ZNF469: variants seen among roughly 807,000 people sequenced by gnomAD.
The protein encoded by ZNF469 is zinc finger protein 469.
Under a neutral mutation model 1.0 loss-of-function variants are expected in ZNF469, and 1 was observed. That is an observed-to-expected ratio of 1.00 (90% CI 0.35 to 4.73). ZNF469 has a LOEUF of 4.73. Ranked by LOEUF, ZNF469 falls within the 30% of genes most tolerant of loss-of-function variation. The pLI is 0.16. For synonymous variants in ZNF469, 2,703 were observed against 2,363.4 expected, an observed-to-expected ratio of 1.14 and a Z score of -4.17; for missense variants, 6,100 against 5,356.3, an observed-to-expected ratio of 1.14 and a Z score of -4.33.
chr16:88,173,542 T>G, the ZNF469 span, among the ~76,000 whole-genome samples: 1 of 152,164 alleles, frequency 6.6e-6, no homozygotes, highest in East Asian at 1.9e-4. Context: ...CAGATGGAAA[T>G]TTAGAGTGAC....
At chr16:88,369,680 C>CT in the ZNF469 span, among the ~76,000 whole-genome samples, 1 of 152,262 alleles carries the variant, frequency 6.6e-6, no homozygotes, top group South Asian at 2.1e-4. Context: ...AGGGGCGACA[C>CT]TGTCCCCACT....
At chr16:88,419,147 C>T (rs1030832055) in intron 1 of ZNF469, among the ~76,000 whole-genome samples, 1 of 152,250 alleles carries the variant, frequency 6.6e-6, no homozygotes, top group Non-Finnish European at 1.5e-5. Context: ...GCGGTGCTGG[C>T]ACACATGGCA....
Position 88,435,030 on chromosome 16 carries a change from C to T in ZNF469, c.7560C>T (p.Ala2520=). The change falls in exon 3 of 3, where the codon GCC becomes GCT. Residue 2520 remains alanine, a synonymous_variant. Coordinates refer to ENST00000565624, the MANE Select transcript of ZNF469 (RefSeq NM_001367624.2). The stretch of plus-strand genomic sequence containing the variant: ...CTCAGCAGCCTCTAGAGCCCCTAGC[C>T]CAAAAGTGCCAGCCGCCCAGGAAGA... The part of the protein sequence containing the change: ...LPAQQPLEPL[A]QKCQPPRKKS... The T allele has an allele frequency of 1.3e-6, 2 of 1,550,372 alleles. No homozygotes were observed. Among genetic ancestry groups the T allele is most frequent in the Non-Finnish European group, 1.7e-6 (2 of 1,146,988 alleles).
Position 88,431,035 on chromosome 16 carries a change from C to T in ZNF469, c.3565C>T (p.Pro1189Ser), listed in dbSNP as rs766878740. The T allele has an allele frequency of 2.6e-6, 4 of 1,546,846 alleles. No individual in the cohort carries two copies. Among genetic ancestry groups the T allele is most frequent in the African/African-American group, 1.4e-5 (1 of 73,000 alleles). ...GGGAGCGGCCGCCAGGGAGGGAGGC[C>T]CCAAGTGTGCTGATCGCCCCTCAGT... ...ETGAAAREGG[P>S]KCADRPSVAP... The change falls in exon 3 of 3, where the codon CCC becomes TCC. Residue 1189 changes from proline (P) to serine (S), a missense_variant. Coordinates refer to ENST00000565624, the MANE Select transcript of ZNF469 (RefSeq NM_001367624.2).
At chr16:88,152,768 C>T in the ZNF469 span, among the ~76,000 whole-genome samples, 2 of 152,138 alleles carry the variant, frequency 1.3e-5, no homozygotes, top group Non-Finnish European at 2.9e-5. The surrounding 1 kb of genome is among the most constrained non-coding windows in gnomAD (Gnocchi z 4.2). Flanking sequence ...AGGCGAGGGT[C>T]GGAAGGACTG....
chr16:88,247,111 TTGAA>T, the ZNF469 span, among the ~76,000 whole-genome samples: 373 of 144,064 alleles, frequency 2.6e-3, 2 homozygotes, highest in African/African-American at 8.4e-3. Flanking sequence ...GAGTGAATGA[TTGAA>T]TGAGTGAGTG....
At chr16:88,221,453 G>A in the ZNF469 span, among the ~76,000 whole-genome samples, 4 of 152,364 alleles carry the variant, frequency 2.6e-5, no homozygotes, top group East Asian at 7.7e-4. Flanking sequence ...GGAGGTTGTG[G>A]GGCCAGGATA....
chr16:88,431,222 C>T lies in ZNF469; in HGVS notation c.3752C>T (p.Ala1251Val), dbSNP rs190928557. ...GAGGCTTTGCGTTCTCCTCCAGCCG[C>T]CTGTGCGGGAGAAATGGGAGCAAGC... ...FTEALRSPPAACAGEMGASPG... is the reference protein window; with the variant it reads ...FTEALRSPPAVCAGEMGASPG... Residue 1251 changes from alanine (A) to valine (V), a missense_variant, in exon 3 of 3, where the codon GCC becomes GTC. By Grantham distance (64) the Ala-to-Val change is moderately conservative. Coordinates refer to ENST00000565624, the MANE Select transcript of ZNF469 (RefSeq NM_001367624.2). The T allele has an allele frequency of 3.0e-4, 469 of 1,550,396 alleles. 4 individuals carry two copies. The East Asian group carries it at 0.011, about 37-fold the overall frequency.
chr16:88,182,463 G>C, the ZNF469 span, among the ~76,000 whole-genome samples: 1 of 151,908 alleles, frequency 6.6e-6, no homozygotes, highest in Non-Finnish European at 1.5e-5. Flanking sequence ...TTCTTTGGAA[G>C]ATTCACACTT....
the ZNF469 span, among the ~76,000 whole-genome samples, chr16:88,227,464 C>A: frequency 0.72 from 107,729 of 148,662 alleles, 41,358 homozygotes; most frequent in Middle Eastern, 0.88. Flanking sequence ...CAGCTTCTCC[C>A]TGTCTCCCCA....
rs1333390318 is a variant in ZNF469, at chr16:88,439,273, C to T, written c.11803C>T (p.Leu3935Phe). The T allele has an allele frequency of 1.3e-6, 2 of 1,550,494 alleles. No homozygotes were observed. Among genetic ancestry groups the T allele is most frequent in the Non-Finnish European group, 1.7e-6 (2 of 1,147,004 alleles). The part of the protein sequence containing the change: ...AEAQSDLLSQ[L>F]FGQRLTGFKI... ...GGCCCAGAGTGACCTCCTCAGCCAGCTCTTCGGGCAGAGACTAACTGGCTT... is the reference window on the plus strand; with the variant it reads ...GGCCCAGAGTGACCTCCTCAGCCAGTTCTTCGGGCAGAGACTAACTGGCTT... Residue 3935 changes from leucine to phenylalanine, a missense_variant, in exon 3 of 3, where the codon CTC (leucine) becomes TTC (phenylalanine). Coordinates refer to ENST00000565624, the MANE Select transcript of ZNF469 (RefSeq NM_001367624.2).
the ZNF469 span, among the ~76,000 whole-genome samples, chr16:88,203,586 C>T: frequency 2.0e-5 from 3 of 152,196 alleles, no homozygotes; most frequent in African/African-American, 4.8e-5. Context: ...ATCCAGGTGT[C>T]TCAGGGCCAT....
chr16:88,272,377 T>G, the ZNF469 span, among the ~76,000 whole-genome samples: 1 of 136,998 alleles, frequency 7.3e-6, no homozygotes, highest in African/African-American at 2.8e-5. Flanking sequence ...GATGGATGGG[T>G]GGGTAGGTGG....
the ZNF469 span, among the ~76,000 whole-genome samples, chr16:88,227,877 C>T: frequency 3.5e-3 from 536 of 152,312 alleles, 4 homozygotes; most frequent in African/African-American, 0.012. Flanking sequence ...AGGTGTACCC[C>T]GCCAGGCTCC....
In ZNF469 at chr16:88,431,559, C is replaced by A; in HGVS notation, c.4089C>A (p.Pro1363=). The A allele has an allele frequency of 6.4e-7, 1 of 1,550,446 alleles. No homozygotes were observed. Among genetic ancestry groups the A allele is most frequent in the African/African-American group, 1.4e-5 (1 of 73,180 alleles). Residue 1363 remains proline (P), a synonymous_variant, in exon 3 of 3, where the codon CCC becomes CCA. Coordinates refer to ENST00000565624, the MANE Select transcript of ZNF469 (RefSeq NM_001367624.2). The stretch of plus-strand genomic sequence containing the variant: ...ACCCTGCTGGTTTTAACAGAGACCC[C>A]TTGGGGGTTCCAGTTGCCAAAAAGG... The part of the protein sequence containing the change: ...GCDPAGFNRD[P]LGVPVAKKGP...
the ZNF469 span, among the ~76,000 whole-genome samples, chr16:88,319,499 T>C: frequency 7.0e-6 from 1 of 143,052 alleles, no homozygotes; most frequent in Non-Finnish European, 1.5e-5. Flanking sequence ...GCACAGGCCC[T>C]GCTGATGCGC....
At chr16:88,160,929 C>T in the ZNF469 span, among the ~76,000 whole-genome samples, 1 of 152,180 alleles carries the variant, frequency 6.6e-6, no homozygotes, top group Non-Finnish European at 1.5e-5. Context: ...GATCATTTGA[C>T]ATCAGGAGTT....
chr16:88,180,725 C>A, the ZNF469 span, among the ~76,000 whole-genome samples: 1 of 151,074 alleles, frequency 6.6e-6, no homozygotes, highest in Non-Finnish European at 1.5e-5. Context: ...AGTGAGCCAA[C>A]GTGGTCCCAC....
intron 1 of ZNF469, among the ~76,000 whole-genome samples, chr16:88,397,557 T>G (rs1394419666): frequency 6.6e-6 from 1 of 151,788 alleles, no homozygotes; most frequent in African/African-American, 2.4e-5. Flanking sequence ...AATCCAAAGC[T>G]GAATATTTAT....
Sources: allele counts gnomAD v4.1 joint callset (sites outside exome capture counted in the v4.1 genomes callset), GRCh38; gene constraint gnomAD v4.1.1; non-coding constraint Gnocchi (gnomAD v3.1); transcripts MANE v1.5; gene names NCBI Gene and HGNC (gene_info 2026-07-23, HGNC 2026-07-21).